The following NSD1 variants were observed in gnomAD, a reference collection of about 807,000 sequenced individuals.
NSD1 encodes nuclear receptor binding SET domain protein 1.
NSD1 carries 26 observed loss-of-function variants against 242.7 expected under a neutral mutation model. The observed-to-expected ratio is 0.11, with a 90% CI of 0.08 to 0.15. The LOEUF (loss-of-function observed/expected upper bound fraction) is 0.15. Among genes scored for constraint, NSD1 ranks in the 10% least tolerant of loss-of-function variants. The probability of loss-of-function intolerance (pLI) is 1.00; values close to 1 mark genes in which losing one functional copy is unlikely to be tolerated. For missense variants in NSD1, 2,495 were observed against 3,272.8 expected (o/e 0.76, Z 5.80); for synonymous variants, 1,106 against 1,178.1 (o/e 0.94, Z 1.25).
chr5:177,135,286 T>C lies in NSD1; in HGVS notation c.183T>C (p.Tyr61=), dbSNP rs1756219106. The C allele has an allele frequency of 1.9e-6, 3 of 1,613,682 alleles. No individual in the cohort carries two copies. Among genetic ancestry groups the C allele is most frequent in the Non-Finnish European group, 2.5e-6 (3 of 1,179,578 alleles). ...TCAGTGGAACATCCCAAAATGCTTA[T>C]GGACAAGATTCTCCATCTTGTTACA... ...STVSGTSQNA[Y]GQDSPSCYIP... is the part of the protein sequence containing the mutation. Residue 61 remains tyrosine (Y), a synonymous_variant, in exon 2 of 23, where the codon TAT becomes TAC. Coordinates refer to ENST00000439151, the MANE Select transcript of NSD1 (RefSeq NM_022455.5).
intron 2 of NSD1, among the ~76,000 whole-genome samples, chr5:177,152,785 A>G (rs1470771007): frequency 2.0e-5 from 3 of 148,260 alleles, no homozygotes; most frequent in East Asian, 3.9e-4. Context: ...TTTTTTGGCA[A>G]GTGATTCTTG....
chr5:177,220,408 T>G (rs146466602), intron 5 of NSD1, among the ~76,000 whole-genome samples: 1,699 of 152,224 alleles, frequency 0.011, 32 homozygotes, highest in African/African-American at 0.039. Context: ...TTGCAGCCAT[T>G]CACGTTCAGC....
Position 177,238,363 on chromosome 5 carries a change from C to T in NSD1, c.4048C>T (p.Pro1350Ser). 1.2e-6 allele frequency: 2 copies of T among 1,613,978 alleles called. No individual in the cohort carries two copies. Among genetic ancestry groups the T allele is most frequent in the Non-Finnish European group, 1.7e-6 (2 of 1,179,942 alleles). Residue 1350 changes from proline to serine, a missense_variant, in exon 7 of 23, where the codon CCG becomes TCG. Physicochemically the swap from Pro to Ser is moderately conservative, Grantham distance 74. This residue lies in a region of NSD1 where 100 missense variants were observed against 190.7 expected (regional missense o/e 0.52). Transcript: ENST00000439151. The surrounding 1 kb of genome is among the most constrained non-coding windows in gnomAD (Gnocchi z 4.6). ...EEPPVLEREA[P>S]FLEGPLAQSE... is the part of the protein sequence containing the mutation. ...GCCTCCAGTTCTTGAAAGGGAGGCT[C>T]CGTTTTTGGAGGGCCCCTTGGCTCA... is the stretch of plus-strand genomic sequence containing the variant.
intron 5 of NSD1, among the ~76,000 whole-genome samples, chr5:177,227,872 C>T (rs181768965): frequency 3.4e-4 from 52 of 151,334 alleles, no homozygotes; most frequent in Non-Finnish European, 6.6e-4. Flanking sequence ...TGCTTGAACC[C>T]AGGAGGCAGA....
At chr5:177,176,549 A>C (rs1760223020) in intron 2 of NSD1, among the ~76,000 whole-genome samples, 1 of 151,782 alleles carries the variant, frequency 6.6e-6, no homozygotes, top group African/African-American at 2.4e-5. Context: ...CTCTCACTTC[A>C]GCCTTCTGAG....
intron 2 of NSD1, among the ~76,000 whole-genome samples, chr5:177,182,768 A>ACTGGGATTACAGGCGC (rs1383041750): frequency 6.6e-6 from 1 of 152,058 alleles, no homozygotes; most frequent in Non-Finnish European, 1.5e-5. Context: ...CTACTGAGTA[A>ACTGGGATTACAGGCGC]CTGGGATTAC....
At chr5:177,206,441 A>G (rs1294468776) in intron 4 of NSD1, among the ~76,000 whole-genome samples, 2 of 152,120 alleles carry the variant, frequency 1.3e-5, no homozygotes, top group African/African-American at 2.4e-5. Context: ...TGCTGGCAAT[A>G]CTTGTAGACT....
rs758535770 is a variant in NSD1 at position 177,135,652 on chromosome 5, C to T, written c.549C>T (p.Ile183=). ...CAGAGGATGAGAGTATAGAGGAGATCTTTGAGGAAACTCAGACCAATGCCA... is the reference window on the plus strand; with the variant it reads ...CAGAGGATGAGAGTATAGAGGAGATTTTTGAGGAAACTCAGACCAATGCCA... ...PVTEDESIEE[I]FEETQTNATC... is the part of the protein sequence containing the mutation. The change falls in exon 2 of 23, where the codon ATC becomes ATT. Residue 183 remains isoleucine (I), a synonymous_variant. Transcript: ENST00000439151. 48 of 1,614,078 alleles carry T rather than the reference C, an allele frequency of 3.0e-5. No homozygotes were observed. The highest frequency in any genetic ancestry group is 4.0e-5 in the Non-Finnish European group (47 of 1,180,058).
rs1449506408 is a variant in NSD1, at chr5:177,210,278, G to A, written c.1879G>A (p.Gly627Ser). The change falls in exon 5 of 23, where the codon GGT becomes AGT. Residue 627 changes from glycine (G) to serine (S), a missense_variant. By Grantham distance (56) the Gly-to-Ser change is moderately conservative (BLOSUM62 0). This residue lies in a region of NSD1 where 515 missense variants were observed against 467.0 expected (regional missense o/e 1.10). Coordinates refer to ENST00000439151, the MANE Select transcript of NSD1 (RefSeq NM_022455.5). The stretch of plus-strand genomic sequence containing the variant: ...AGTGAAGCTCTGCTATATTGGAGCA[G>A]GTGATGAGGAAAAGCGAAGTGATTC... Reference protein sequence around the residue: ...SKVKLCYIGAGDEEKRSDSIS... With the variant: ...SKVKLCYIGASDEEKRSDSIS... 9.3e-6 allele frequency: 15 copies of A among 1,609,250 alleles called. No homozygotes were observed. Among genetic ancestry groups the A allele is most frequent in the Non-Finnish European group, 1.3e-5 (15 of 1,177,226 alleles).
intron 2 of NSD1, among the ~76,000 whole-genome samples, chr5:177,185,910 TTA>T (rs1185948821): frequency 1.3e-5 from 1 of 75,566 alleles, no homozygotes; most frequent in African/African-American, 6.8e-5. Context: ...TTTTATATAA[TTA>T]TATATATTTA....
intron 8 of NSD1, among the ~76,000 whole-genome samples, chr5:177,240,528 A>G (rs924000700): frequency 2.2e-4 from 34 of 152,172 alleles, no homozygotes; most frequent in African/African-American, 7.2e-4. Context: ...CCTGGCTAAC[A>G]TGGAGAAACC....
At position 177,280,858 on chromosome 5, in the gene NSD1, A is replaced by G. The variant is rs774116518; in HGVS notation, c.5892+24A>G. On this transcript the variant is annotated intron_variant, in intron 18 of 22. Coordinates refer to ENST00000439151, the MANE Select transcript of NSD1 (RefSeq NM_022455.5). ...AGGTTAGAAAAAGCTAAATTACCAT[A>G]TACTTTCTCCTCTTTGCAGTTGCTT... is the stretch of plus-strand genomic sequence containing the variant. 2.5e-6 allele frequency: 4 copies of G among 1,613,000 alleles called. No individual in the cohort carries two copies. In the African/African-American group the frequency reaches 5.3e-5, roughly 22 times the overall value.
At position 177,135,332 on chromosome 5, in the gene NSD1, G is replaced by A; in HGVS notation, c.229G>A (p.Asp77Asn). ...TTACATTCCACTGCGGAGACTACAG[G>A]ATTTGGCCTCCATGATCAATGTAGA... ...SCYIPLRRLQ[D>N]LASMINVEYL... Residue 77 changes from aspartate to asparagine, a missense_variant, in exon 2 of 23, where the codon GAT becomes AAT. Physicochemically the swap from Asp to Asn is conservative, Grantham distance 23. Around this residue, in one of 19 missense-constraint regions of NSD1, gnomAD observed 376 missense variants for 367.4 expected, o/e 1.02. Coordinates refer to ENST00000439151, the MANE Select transcript of NSD1 (RefSeq NM_022455.5). 1 of 1,612,590 alleles carries A rather than the reference G, an allele frequency of 6.2e-7. No homozygotes were observed. Among genetic ancestry groups the A allele is most frequent in the Middle Eastern group, 1.7e-4 (1 of 6,060 alleles).
chr5:177,257,878 G>A (rs1430684111), intron 13 of NSD1, among the ~76,000 whole-genome samples: 2 of 142,298 alleles, frequency 1.4e-5, no homozygotes, highest in Admixed American at 1.4e-4. Context: ...CTGTCACCCA[G>A]TCTCCTCGAT....
chr5:177,296,777 G>A lies in NSD1; in HGVS notation c.*1318G>A. 4.3e-6 allele frequency: 1 copy of A among 233,366 alleles called. No individual in the cohort carries two copies. Among genetic ancestry groups the A allele is most frequent in the Non-Finnish European group, 8.5e-6 (1 of 118,104 alleles). The allele number at this position is 233,366 out of a possible 1,614,324, so 14.5% of individuals were successfully genotyped here. A position where few individuals can be genotyped will look rare whatever the true frequency, so the allele number is the denominator to read the frequency against. Reference sequence around the variant, plus strand: ...CCCAAGGGCTGGGAAATCTGTTGGTGCTACCCTGCCCTACCATTCACCCAG... The same window carrying A: ...CCCAAGGGCTGGGAAATCTGTTGGTACTACCCTGCCCTACCATTCACCCAG... On this transcript the variant is annotated 3_prime_UTR_variant, in exon 23 of 23. Transcript: ENST00000439151.
chr5:177,289,781 G>A (rs1213422404), intron 21 of NSD1, among the ~76,000 whole-genome samples: 2 of 151,134 alleles, frequency 1.3e-5, no homozygotes, highest in East Asian at 1.9e-4. Context: ...TAACTGTTAA[G>A]TATCATTTCC....
rs75587357 is a variant in NSD1 at position 177,298,797 on chromosome 5, A to C, written c.*3338A>C. Reference sequence around the variant, plus strand: ...ATGGCAGAAAGTTTAGTCCTGACAGATTCCCCCATAGGGAGTAATGAGGAC... The same window carrying C: ...ATGGCAGAAAGTTTAGTCCTGACAGCTTCCCCCATAGGGAGTAATGAGGAC... On this transcript the variant is annotated 3_prime_UTR_variant, in exon 23 of 23. Transcript: ENST00000439151. 0.047 allele frequency: 10,864 copies of C among 233,156 alleles called. 287 individuals carry two copies. The highest frequency in any genetic ancestry group is 0.079 in the South Asian group (436 of 5,524). 14.4% of individuals were successfully genotyped at this position (233,156 alleles called of 1,614,324 possible).
At chr5:177,243,522 G>C (rs913247193) in intron 8 of NSD1, among the ~76,000 whole-genome samples, 2 of 152,166 alleles carry the variant, frequency 1.3e-5, no homozygotes, top group African/African-American at 4.8e-5. Flanking sequence ...TAAGTACAGG[G>C]TGGAGTGCAA....
chr5:177,194,079 T>TA (rs1360287120), intron 3 of NSD1, among the ~76,000 whole-genome samples: 2 of 152,134 alleles, frequency 1.3e-5, no homozygotes, highest in Admixed American at 6.6e-5. Flanking sequence ...ACCTGGCTGA[T>TA]ATTAATATAT....
Sources: allele counts gnomAD v4.1 joint callset (sites outside exome capture counted in the v4.1 genomes callset), GRCh38; gene constraint gnomAD v4.1.1; regional missense constraint gnomAD v4.1.1; non-coding constraint Gnocchi (gnomAD v3.1); transcripts MANE v1.5; gene names NCBI Gene and HGNC (gene_info 2026-07-23, HGNC 2026-07-21).